Variants in ARHGEF28 observed in about 807,000 individuals in gnomAD.
ARHGEF28 encodes the protein Rho guanine nucleotide exchange factor 28, also known as 190 kDa guanine nucleotide exchange factor.
In ARHGEF28, 152 loss-of-function variants were observed where a neutral mutation model predicts 206.6. The ratio of observed to expected loss-of-function variants is 0.74; its 90% confidence interval spans 0.64 to 0.84. ARHGEF28 has a LOEUF of 0.84. Among genes scored for constraint, ARHGEF28 ranks in the 40% least tolerant of loss-of-function variants. The pLI, the probability that ARHGEF28 is intolerant of heterozygous loss-of-function variation, is 0.00. For missense variants in ARHGEF28, 2,028 were observed against 2,073.2 expected (o/e 0.98, Z 0.42); for synonymous variants, 763 against 776.4 (o/e 0.98, Z 0.29).
chr5:73,784,734 T>G (rs1241976176), intron 7 of ARHGEF28, among the ~76,000 whole-genome samples: 1 of 152,186 alleles, frequency 6.6e-6, no homozygotes, highest in Non-Finnish European at 1.5e-5. Context: ...ATACTATGTT[T>G]TTTTCTATAC....
At chr5:73,873,731 G>A (rs1457114391) in intron 22 of ARHGEF28, among the ~76,000 whole-genome samples, 1 of 152,132 alleles carries the variant, frequency 6.6e-6, no homozygotes, top group Non-Finnish European at 1.5e-5. Context: ...TATGCTGAGT[G>A]GTATTCCATG....
At chr5:73,911,623 T>C (rs1762914457) in intron 35 of ARHGEF28, 48 bp downstream of exon 35, 1 of 1,508,420 alleles carries the variant, frequency 6.6e-7, no homozygotes, top group African/African-American at 1.4e-5. Context: ...CAAGAAGTTG[T>C]CCCTCTGAAT....
At chr5:73,724,091 T>A (rs1750140226) in intron 2 of ARHGEF28, among the ~76,000 whole-genome samples, 1 of 152,342 alleles carries the variant, frequency 6.6e-6, no homozygotes, top group East Asian at 1.9e-4. Flanking sequence ...ATTTCATCCA[T>A]GCACCTCTGT....
intron 35 of ARHGEF28, among the ~76,000 whole-genome samples, chr5:73,917,807 A>T (rs1019585470): frequency 6.6e-6 from 1 of 152,246 alleles, no homozygotes; most frequent in African/African-American, 2.4e-5. Context: ...AATGAAAAAA[A>T]TAATACATGC....
At chr5:73,939,480 C>A (rs1471961647) in intron 35 of ARHGEF28, among the ~76,000 whole-genome samples, 2 of 152,178 alleles carry the variant, frequency 1.3e-5, no homozygotes, top group Non-Finnish European at 2.9e-5. Flanking sequence ...CACCCCCATG[C>A]CTCCCTACCT....
At chr5:73,750,095 G>C in intron 3 of ARHGEF28, 111 bp downstream of exon 3, 1 of 1,309,148 alleles carries the variant, frequency 7.6e-7, no homozygotes, top group Non-Finnish European at 1.1e-6. Context: ...GTGCTGCAAG[G>C]TCAGGAGTGT....
At chr5:73,836,304 T>C (rs1282980490) in intron 10 of ARHGEF28, among the ~76,000 whole-genome samples, 1 of 16,568 alleles carries the variant, frequency 6.0e-5, no homozygotes. Context: ...CCTTGTCAGC[T>C]TTTTTTTTTT....
intron 24 of ARHGEF28, among the ~76,000 whole-genome samples, chr5:73,885,220 A>C (rs1761193753): frequency 6.6e-6 from 1 of 152,210 alleles, no homozygotes. Flanking sequence ...AGCTGGCTTA[A>C]GTTTTAAGAA....
chr5:73,775,583 A>G (rs1227793682), intron 5 of ARHGEF28, among the ~76,000 whole-genome samples: 1 of 152,206 alleles, frequency 6.6e-6, no homozygotes, highest in African/African-American at 2.4e-5. Context: ...GAAATATACT[A>G]TATTTTTGTA....
intron 26 of ARHGEF28, among the ~76,000 whole-genome samples, chr5:73,889,970 C>G (rs1301907834): frequency 6.6e-6 from 1 of 152,170 alleles, no homozygotes; most frequent in African/African-American, 2.4e-5. Context: ...ATGCTGAGAA[C>G]TGATTTTTAA....
intron 1 of ARHGEF28, among the ~76,000 whole-genome samples, chr5:73,673,673 T>A (rs1478580651): frequency 1.3e-5 from 2 of 152,170 alleles, no homozygotes; most frequent in East Asian, 1.9e-4. Context: ...TCCTTTTATA[T>A]ACTTAACATG....
chr5:73,699,055 C>T (rs1748409627), intron 2 of ARHGEF28, among the ~76,000 whole-genome samples: 1 of 152,078 alleles, frequency 6.6e-6, no homozygotes, highest in South Asian at 2.1e-4. Context: ...ATTTTGCGAA[C>T]CCTTTTCTTT....
At chr5:73,860,072 T>C (rs971056129) in intron 16 of ARHGEF28, among the ~76,000 whole-genome samples, 2 of 152,204 alleles carry the variant, frequency 1.3e-5, no homozygotes, top group African/African-American at 2.4e-5. Context: ...CTTTCAGGGA[T>C]GTTTCCTTCT....
chr5:73,761,997 ATT>A (rs36121449), intron 4 of ARHGEF28, among the ~76,000 whole-genome samples: 10 of 137,950 alleles, frequency 7.2e-5, no homozygotes, highest in Non-Finnish European at 7.9e-5. Flanking sequence ...CAACTGGGTA[ATT>A]TTTTTTTTTT....
chr5:73,788,628 G>C (rs958255782), intron 7 of ARHGEF28, among the ~76,000 whole-genome samples: 1 of 152,128 alleles, frequency 6.6e-6, no homozygotes, highest in African/African-American at 2.4e-5. Flanking sequence ...CACCACAAAG[G>C]TCTTCATCCT....
At chr5:73,730,045 A>C (rs1039597327) in intron 2 of ARHGEF28, among the ~76,000 whole-genome samples, 7 of 152,350 alleles carry the variant, frequency 4.6e-5, no homozygotes, top group Non-Finnish European at 7.3e-5. Context: ...TATTCAGTGA[A>C]TATATCGCCA....
At chr5:73,700,055 G>T (rs1256511913) in intron 2 of ARHGEF28, among the ~76,000 whole-genome samples, 1 of 152,160 alleles carries the variant, frequency 6.6e-6, no homozygotes, top group Admixed American at 6.5e-5. Context: ...CCCATTCAAT[G>T]TTCTAATATG....
Position 73,849,069 on chromosome 5 carries a change from G to A in ARHGEF28, c.1729G>A (p.Val577Ile). The A allele has an allele frequency of 6.4e-7, 1 of 1,566,526 alleles. No homozygotes were observed. The highest frequency in any genetic ancestry group is 8.7e-7 in the Non-Finnish European group (1 of 1,152,474). Reference sequence around the variant, plus strand: ...AACTCGTTTGGTGCGTGAATTAACAGTATGCAGTTCAAGTGAAGGTAAGCA... The same window carrying A: ...AACTCGTTTGGTGCGTGAATTAACAATATGCAGTTCAAGTGAAGGTAAGCA... ...GKTRLVRELT[V>I]CSSSEEQRAY... The change falls in exon 13 of 36, where the codon GTA becomes ATA. Residue 577 changes from valine to isoleucine, a missense_variant. Coordinates refer to ENST00000513042, the MANE Select transcript of ARHGEF28 (RefSeq NM_001177693.2).
At chr5:73,732,476 CT>C (rs1216399806) in intron 2 of ARHGEF28, among the ~76,000 whole-genome samples, 32 of 152,244 alleles carry the variant, frequency 2.1e-4, no homozygotes, top group African/African-American at 7.5e-4. Flanking sequence ...TATCATTTGC[CT>C]ACTGAAAGAC....
Sources: gnomAD v4.1 joint callset for allele counts (sites outside exome capture counted in the v4.1 genomes callset) on GRCh38, gnomAD v4.1.1 for gene constraint, MANE v1.5 for transcripts, NCBI Gene and HGNC (gene_info 2026-07-23, HGNC 2026-07-21) for gene names.